GAS7: variants seen among roughly 807,000 people sequenced by gnomAD.
The protein encoded by GAS7 is growth arrest specific 7, also known as growth arrest-specific protein 7.
In GAS7, 28 loss-of-function variants were observed where a neutral mutation model predicts 71.1. That is an observed-to-expected ratio of 0.39 (90% confidence interval 0.29 to 0.54). The LOEUF (loss-of-function observed/expected upper bound fraction) is 0.54, where lower values mean the gene tolerates loss of function less well. Among genes scored for constraint, GAS7 ranks in the 20% least tolerant of loss-of-function variants. The probability of loss-of-function intolerance (pLI) is 0.62; values close to 1 mark genes in which losing one functional copy is unlikely to be tolerated. For missense variants in GAS7, 436 were observed against 627.8 expected (o/e 0.69, Z 3.27); for synonymous variants, 258 against 245.8 (o/e 1.05, Z -0.46).
intron 1 of GAS7, among the ~76,000 whole-genome samples, chr17:10,120,671 C>T (rs1296456088): frequency 2.0e-5 from 3 of 152,164 alleles, no homozygotes; most frequent in Non-Finnish European, 2.9e-5. Flanking sequence ...AAGATCGCGT[C>T]ATTGCACTCC....
chr17:10,182,228 C>T (rs1391310704), intron 1 of GAS7, among the ~76,000 whole-genome samples: 2 of 152,096 alleles, frequency 1.3e-5, no homozygotes, highest in African/African-American at 2.4e-5. Context: ...GGCACGATCT[C>T]GACTCACTGC....
At position 9,919,441 on chromosome 17, in the gene GAS7, T is replaced by A. The variant is rs9897353; in HGVS notation, c.1218+185A>T. ...CCACATCCACACAGCTAGGAAGCGC[T>A]GGAGCAGAGATCTGAATCCACATAA... On this transcript the variant is annotated intron_variant, in intron 12 of 13. Transcript: ENST00000432992. The surrounding 1 kb of genome is among the most constrained non-coding windows in gnomAD (Gnocchi z 5.0). Among the ~76,000 whole-genome samples the A allele has an allele frequency of 6.6e-6, 1 of 151,998 alleles. No individual in the cohort carries two copies. The highest frequency in any genetic ancestry group is 1.5e-5 in the Non-Finnish European group (1 of 68,018).
chr17:9,934,159 G>A lies in GAS7; in HGVS notation c.885+7C>T. On this transcript the variant is annotated splice_region_variant and intron_variant, in intron 9 of 13. Coordinates refer to ENST00000432992, the MANE Select transcript of GAS7 (RefSeq NM_201433.2). The stretch of plus-strand genomic sequence containing the variant: ...ACCAACTGAGGGTGGCTGCAGGGAG[G>A]GGTTACCTTGGCAGAGAACTTGAGG... 6.3e-7 allele frequency: 1 copy of A among 1,593,024 alleles called. No individual in the cohort carries two copies. The highest frequency in any genetic ancestry group is 2.2e-5 in the East Asian group (1 of 44,760).
intron 1 of GAS7, among the ~76,000 whole-genome samples, chr17:10,109,512 A>G (rs1277687710): frequency 6.6e-6 from 1 of 152,250 alleles, no homozygotes; most frequent in Admixed American, 6.5e-5. Context: ...AAATTGGTAC[A>G]GCCACTGGGG....
intron 4 of GAS7, among the ~76,000 whole-genome samples, chr17:9,963,108 G>A (rs2069567186): frequency 6.6e-6 from 1 of 151,454 alleles, no homozygotes; most frequent in Non-Finnish European, 1.5e-5. Flanking sequence ...CAACAACTTG[G>A]ATGAAACGTT....
intron 1 of GAS7, among the ~76,000 whole-genome samples, chr17:10,047,914 T>A (rs146718219): frequency 6.6e-6 from 1 of 152,302 alleles, no homozygotes; most frequent in African/African-American, 2.4e-5. Context: ...TATTCCATTA[T>A]TAAAGACCAG....
At chr17:9,993,575 G>A (rs1188183213) in intron 2 of GAS7, among the ~76,000 whole-genome samples, 6 of 151,888 alleles carry the variant, frequency 4.0e-5, no homozygotes, top group Admixed American at 2.6e-4. Context: ...CCAATATCAT[G>A]CTGAATGGGC....
At chr17:10,028,145 C>T (rs546379871) in intron 1 of GAS7, among the ~76,000 whole-genome samples, 15 of 152,310 alleles carry the variant, frequency 9.8e-5, no homozygotes, top group Non-Finnish European at 1.5e-4. Context: ...CCTCATGATC[C>T]ACCCACCTTG....
At chr17:9,979,891 T>C (rs537401235) in intron 3 of GAS7, among the ~76,000 whole-genome samples, 36 of 150,980 alleles carry the variant, frequency 2.4e-4, no homozygotes, top group Admixed American at 1.2e-3. Context: ...AAGAACAACA[T>C]TGAAAGAGAA....
intron 2 of GAS7, among the ~76,000 whole-genome samples, chr17:10,006,008 T>C (rs997489098): frequency 4.6e-5 from 7 of 152,330 alleles, no homozygotes; most frequent in Admixed American, 2.6e-4. Context: ...GATCCTGCTA[T>C]GGGATTAGTG....
At chr17:10,167,343 G>A (rs1055637602) in intron 1 of GAS7, among the ~76,000 whole-genome samples, 3 of 151,956 alleles carry the variant, frequency 2.0e-5, no homozygotes, top group Non-Finnish European at 2.9e-5. Context: ...GAGCCACCAC[G>A]CCCAGCCTCC....
chr17:9,919,726 C>T lies in GAS7; in HGVS notation c.1139-21G>A. The T allele has an allele frequency of 6.4e-7, 1 of 1,570,900 alleles. No individual in the cohort carries two copies. Among genetic ancestry groups the T allele is most frequent in the African/African-American group, 1.3e-5 (1 of 74,112 alleles). On this transcript the variant is annotated intron_variant, in intron 11 of 13. Transcript: ENST00000432992. This position sits in a 1 kb window ranked among gnomAD's most constrained non-coding sequence, Gnocchi z 5.0. The stretch of plus-strand genomic sequence containing the variant: ...GTCTCCTGGAAAAAGACCACAGTCA[C>T]CATCATGAAGCATCCTATCCTCACC...
At chr17:9,927,859 T>C (rs957432112) in intron 9 of GAS7, among the ~76,000 whole-genome samples, 2 of 152,176 alleles carry the variant, frequency 1.3e-5, no homozygotes, top group Non-Finnish European at 2.9e-5. Context: ...CAAGGGCAAC[T>C]GTCCCGCATT....
intron 1 of GAS7, among the ~76,000 whole-genome samples, chr17:10,079,683 C>A (rs536321659): frequency 6.6e-6 from 1 of 152,310 alleles, no homozygotes; most frequent in African/African-American, 2.4e-5. Context: ...CTGATCATAT[C>A]TCCCTAAAAT....
chr17:9,980,899 T>A (rs1439267499), intron 3 of GAS7, among the ~76,000 whole-genome samples: 1 of 152,170 alleles, frequency 6.6e-6, no homozygotes, highest in Non-Finnish European at 1.5e-5. Context: ...AAAGGAGATG[T>A]TGTTCTCCCT....
At chr17:10,060,864 T>C (rs752819977) in intron 1 of GAS7, among the ~76,000 whole-genome samples, 62 of 152,124 alleles carry the variant, frequency 4.1e-4, no homozygotes, top group Non-Finnish European at 8.8e-5. Context: ...AGGGGCGACT[T>C]TGTCCCCCCT....
chr17:9,929,758 T>C (rs940803974), intron 9 of GAS7, among the ~76,000 whole-genome samples: 6 of 152,176 alleles, frequency 3.9e-5, no homozygotes, highest in African/African-American at 1.4e-4. Flanking sequence ...ATTACAGGTG[T>C]GAGCCACTGT....
At position 9,959,225 on chromosome 17, in the gene GAS7, G is replaced by C. The variant is rs1172119950; in HGVS notation, c.502C>G (p.Gln168Glu). 1 of 1,614,166 alleles carries C rather than the reference G, an allele frequency of 6.2e-7. No homozygotes were observed. Among genetic ancestry groups the C allele is most frequent in the Admixed American group, 1.7e-5 (1 of 60,032 alleles). Residue 168 changes from glutamine (Q) to glutamate (E), a missense_variant, in exon 5 of 14, where the codon CAG becomes GAG. By Grantham distance (29) the Gln-to-Glu change is conservative. Coordinates refer to ENST00000432992, the MANE Select transcript of GAS7 (RefSeq NM_201433.2). This position sits in a 1 kb window ranked among gnomAD's most constrained non-coding sequence, Gnocchi z 5.0. ...ACTGTGATGGTGTTTTCCTTGCTCT[G>C]CTTTTTGCTTGGCGATGAGGATCCC... ...NLGSSSPSKK[Q>E]SKENTITINC...
intron 1 of GAS7, among the ~76,000 whole-genome samples, chr17:10,189,917 C>T (rs1163774075): frequency 6.7e-6 from 1 of 149,108 alleles, no homozygotes; most frequent in Non-Finnish European, 1.5e-5. Flanking sequence ...TCAGCCTGGG[C>T]AACAGAGCAA....
Sources: gnomAD v4.1 joint callset for allele counts (sites outside exome capture counted in the v4.1 genomes callset) on GRCh38, gnomAD v4.1.1 for gene constraint, Gnocchi (gnomAD v3.1) non-coding constraint, MANE v1.5 for transcripts, NCBI Gene and HGNC (gene_info 2026-07-23, HGNC 2026-07-21) for gene names.